NOPCHAP1: variants seen among roughly 807,000 people sequenced by gnomAD.
NOPCHAP1 encodes NOP protein chaperone 1.
NOPCHAP1 carries 13 observed loss-of-function variants against 14.0 expected under a neutral mutation model. The ratio of observed to expected loss-of-function variants is 0.93; its 90% CI spans 0.60 to 1.47. The LOEUF (loss-of-function observed/expected upper bound fraction) is 1.47. Ranked by LOEUF, NOPCHAP1 falls within the 40% of genes most tolerant of loss-of-function variation. The probability of loss-of-function intolerance (pLI) is 0.00; values close to 1 mark genes in which losing one functional copy is unlikely to be tolerated. For synonymous variants in NOPCHAP1, 78 were observed against 78.4 expected, an observed-to-expected ratio of 1.00 and a Z score of 0.03; for missense variants, 230 against 226.9, an observed-to-expected ratio of 1.01 and a Z score of -0.09.
chr12:105,009,002 T>C lies in NOPCHAP1; in HGVS notation c.*14306T>C, dbSNP rs1873761785. Reference sequence around the variant, plus strand: ...GTTTCATATGAAATTTAAAGTAGTTTTTTCTAATTCTGTGAAGAAAGTCAA... The same window carrying C: ...GTTTCATATGAAATTTAAAGTAGTTCTTTCTAATTCTGTGAAGAAAGTCAA... On this transcript the variant is annotated 3_prime_UTR_variant, in exon 4 of 4. Coordinates refer to ENST00000552951, the MANE Select transcript of NOPCHAP1 (RefSeq NM_152318.3). The C allele has an allele frequency of 6.6e-6, 1 of 152,230 alleles. No individual in the cohort carries two copies. Among genetic ancestry groups the C allele is most frequent in the Admixed American group, 6.5e-5 (1 of 15,286 alleles). 9.4% of individuals were successfully genotyped at this position (152,230 alleles called of 1,614,324 possible). A position where few individuals can be genotyped will look rare whatever the true frequency, so the allele number is the denominator to read the frequency against.
rs1873589070 is a variant in NOPCHAP1, at chr12:105,000,566, G to C, written c.*5870G>C. ...AAGGGACATAGTTATCATGATGACA[G>C]AGAAGAGAACTCTTGATCCATGATC... On this transcript the variant is annotated 3_prime_UTR_variant, in exon 4 of 4. Coordinates refer to ENST00000552951, the MANE Select transcript of NOPCHAP1 (RefSeq NM_152318.3). 6.6e-6 allele frequency: 1 copy of C among 152,166 alleles called. No individual in the cohort carries two copies. The highest frequency in any genetic ancestry group is 1.5e-5 in the Non-Finnish European group (1 of 68,022). The allele number at this position is 152,166 out of a possible 1,614,324, so 9.4% of individuals were successfully genotyped here.
At chr12:104,993,332 A>T (rs1459027087) in intron 3 of NOPCHAP1, among the ~76,000 whole-genome samples, 1 of 152,176 alleles carries the variant, frequency 6.6e-6, no homozygotes, top group Non-Finnish European at 1.5e-5. Context: ...GACAATACAT[A>T]CATGAATAAG....
rs570177276 is a variant in NOPCHAP1 at position 105,005,602 on chromosome 12, A to G, written c.*10906A>G. 2.0e-5 allele frequency: 3 copies of G among 152,308 alleles called. No individual in the cohort carries two copies. The highest frequency in any genetic ancestry group is 4.8e-5 in the African/African-American group (2 of 41,566). The allele number at this position is 152,308 out of a possible 1,614,324, so 9.4% of individuals were successfully genotyped here. ...CAGGAGGGGACCAGAAGTACTTGCC[A>G]TTTTTCATCTGTGACACAGAAGCAG... On this transcript the variant is annotated 3_prime_UTR_variant, in exon 4 of 4. Transcript: ENST00000552951.
rs954884171 is a variant in NOPCHAP1, at chr12:105,012,904, G to T, written c.*18208G>T. The T allele has an allele frequency of 6.6e-6, 1 of 152,346 alleles. No homozygotes were observed. Among genetic ancestry groups the T allele is most frequent in the Non-Finnish European group, 1.5e-5 (1 of 68,170 alleles). 9.4% of individuals were successfully genotyped at this position (152,346 alleles called of 1,614,324 possible). On this transcript the variant is annotated 3_prime_UTR_variant, in exon 4 of 4. Transcript: ENST00000552951. ...GCTAGATGCCAGCTGGAGATCTCCT[G>T]TGTGAGGTTTCTGTCAACCTCTGCT...
At chr12:104,990,734 T>G (rs1040899195) in intron 2 of NOPCHAP1, among the ~76,000 whole-genome samples, 1 of 152,230 alleles carries the variant, frequency 6.6e-6, no homozygotes. Flanking sequence ...TTATCACTCC[T>G]CTTTTATGGA....
Position 105,008,212 on chromosome 12 carries a change from GT to G in NOPCHAP1, c.*13520del, listed in dbSNP as rs1264657758. On this transcript the variant is annotated 3_prime_UTR_variant, in exon 4 of 4. Coordinates refer to ENST00000552951, the MANE Select transcript of NOPCHAP1 (RefSeq NM_152318.3). ...CCATTCTAACTGGTAACTCATTGTG[GT>G]TTTGATTTGCATTTCTCTAATAACC... 2 of 152,028 alleles carry G rather than the reference GT, an allele frequency of 1.3e-5. No homozygotes were observed. Among genetic ancestry groups the G allele is most frequent in the East Asian group, 3.9e-4 (2 of 5,190 alleles). 9.4% of individuals were successfully genotyped at this position (152,028 alleles called of 1,614,324 possible).
intron 1 of NOPCHAP1, 96 bp downstream of exon 1, chr12:104,986,563 G>A: frequency 9.5e-7 from 1 of 1,050,330 alleles, no homozygotes; most frequent in Non-Finnish European, 1.3e-6. Flanking sequence ...CCCTGCCCGG[G>A]CTCCGTACCC....
intron 2 of NOPCHAP1, among the ~76,000 whole-genome samples, chr12:104,991,482 A>C (rs1873372645): frequency 6.6e-6 from 1 of 152,210 alleles, no homozygotes; most frequent in South Asian, 2.1e-4. Context: ...CTAGGAGTTT[A>C]CAGTCCTGGG....
In NOPCHAP1 at chr12:105,013,142, T is replaced by A. The variant is rs1873868892; in HGVS notation, c.*18446T>A. 1.3e-5 allele frequency: 2 copies of A among 152,332 alleles called. No individual in the cohort carries two copies. The highest frequency in any genetic ancestry group is 4.1e-4 in the South Asian group (2 of 4,832). The allele number at this position is 152,332 out of a possible 1,614,324, so 9.4% of individuals were successfully genotyped here. On this transcript the variant is annotated 3_prime_UTR_variant, in exon 4 of 4. Transcript: ENST00000552951. ...GATAGGACTTTTATCTATAATCCCC[T>A]TGACTGGGACTGCTGCCTTTCTTTC...
intron 1 of NOPCHAP1, among the ~76,000 whole-genome samples, chr12:104,987,333 A>G (rs921805200): frequency 2.0e-5 from 3 of 152,232 alleles, no homozygotes; most frequent in Non-Finnish European, 4.4e-5. Context: ...AACCTGAGAC[A>G]TGATTTATCA....
At position 105,000,712 on chromosome 12, in the gene NOPCHAP1, G is replaced by A. The variant is rs1873591849; in HGVS notation, c.*6016G>A. On this transcript the variant is annotated 3_prime_UTR_variant, in exon 4 of 4. Coordinates refer to ENST00000552951, the MANE Select transcript of NOPCHAP1 (RefSeq NM_152318.3). ...GGTTTGAGGGCAGTGTTTCACTGAT[G>A]TTGTTTTCAGAAGACCCAATCTCCA... The A allele has an allele frequency of 6.6e-6, 1 of 152,018 alleles. No homozygotes were observed. The allele number at this position is 152,018 out of a possible 1,614,324, so 9.4% of individuals were successfully genotyped here.
rs754208903 is a variant in NOPCHAP1 at position 105,012,662 on chromosome 12, G to T, written c.*17966G>T. 3.9e-5 allele frequency: 6 copies of T among 152,178 alleles called. No homozygotes were observed. Among genetic ancestry groups the T allele is most frequent in the Non-Finnish European group, 7.3e-5 (5 of 68,042 alleles). 9.4% of individuals were successfully genotyped at this position (152,178 alleles called of 1,614,324 possible). On this transcript the variant is annotated 3_prime_UTR_variant, in exon 4 of 4. Transcript: ENST00000552951. Reference sequence around the variant, plus strand: ...GCTCTTTTATGTTGGTAACCTTTGGGTGGGGTTTCTGTGTGGACGTCCTTT... The same window carrying T: ...GCTCTTTTATGTTGGTAACCTTTGGTTGGGGTTTCTGTGTGGACGTCCTTT...
In NOPCHAP1 at chr12:105,002,418, G is replaced by C. The variant is rs566096248; in HGVS notation, c.*7722G>C. On this transcript the variant is annotated 3_prime_UTR_variant, in exon 4 of 4. Coordinates refer to ENST00000552951, the MANE Select transcript of NOPCHAP1 (RefSeq NM_152318.3). ...AATAGAGCAGTTAATCCTGTTTCAG[G>C]CACTGCCAGAAGTATCCCTTGGTGT... The C allele has an allele frequency of 1.3e-5, 2 of 152,266 alleles. No homozygotes were observed. The highest frequency in any genetic ancestry group is 2.1e-4 in the South Asian group (1 of 4,824). 9.4% of individuals were successfully genotyped at this position (152,266 alleles called of 1,614,324 possible).
At position 105,012,403 on chromosome 12, in the gene NOPCHAP1, T is replaced by C. The variant is rs1873848653; in HGVS notation, c.*17707T>C. The C allele has an allele frequency of 6.6e-6, 1 of 152,226 alleles. No individual in the cohort carries two copies. The highest frequency in any genetic ancestry group is 2.4e-5 in the African/African-American group (1 of 41,458). 9.4% of individuals were successfully genotyped at this position (152,226 alleles called of 1,614,324 possible). A position where few individuals can be genotyped will look rare whatever the true frequency, so the allele number is the denominator to read the frequency against. On this transcript the variant is annotated 3_prime_UTR_variant, in exon 4 of 4. Transcript: ENST00000552951. ...CAATTTCTCTAATCTTTTTTCAAGG[T>C]TCTTAGCTTCCTTGCATTGGGTTAG... is the stretch of plus-strand genomic sequence containing the variant.
chr12:104,988,332 ATTGTCAGGTATCAAAC>A (rs892174378), intron 2 of NOPCHAP1, 79 bp downstream of exon 2: 401 of 1,119,508 alleles, frequency 3.6e-4, no homozygotes, highest in Non-Finnish European at 5.1e-4. Context: ...CTCTGCCTTC[ATTGTCAGGTATCAAAC>A]CACAGATAGT....
intron 3 of NOPCHAP1, among the ~76,000 whole-genome samples, chr12:104,993,627 T>C (rs1873429810): frequency 6.6e-6 from 1 of 152,226 alleles, no homozygotes. Context: ...AGTGCGTCAC[T>C]GTGTATGGGT....
At position 105,001,382 on chromosome 12, in the gene NOPCHAP1, A is replaced by G. The variant is rs1285205615; in HGVS notation, c.*6686A>G. ...ATGGTCCAGGAGGCAGTAGAAATGT[A>G]CCACCTAAAATTTGGATTATCTTTC... is the stretch of plus-strand genomic sequence containing the variant. On this transcript the variant is annotated 3_prime_UTR_variant, in exon 4 of 4. Transcript: ENST00000552951. 2.0e-5 allele frequency: 3 copies of G among 152,224 alleles called. No individual in the cohort carries two copies. Among genetic ancestry groups the G allele is most frequent in the African/African-American group, 7.2e-5 (3 of 41,466 alleles). The allele number at this position is 152,224 out of a possible 1,614,324, so 9.4% of individuals were successfully genotyped here.
Position 104,988,147 on chromosome 12 carries a change from T to G in NOPCHAP1, c.116-20T>G. ...TTATGCTGTAGTAAATTAAGGGTGTTTGTGTGTCTGTATTTTCAGGTATAT... is the reference window on the plus strand; with the variant it reads ...TTATGCTGTAGTAAATTAAGGGTGTGTGTGTGTCTGTATTTTCAGGTATAT... On this transcript the variant is annotated intron_variant, in intron 1 of 3. Coordinates refer to ENST00000552951, the MANE Select transcript of NOPCHAP1 (RefSeq NM_152318.3). 1 of 1,569,586 alleles carries G rather than the reference T, an allele frequency of 6.4e-7. No individual in the cohort carries two copies. Among genetic ancestry groups the G allele is most frequent in the Non-Finnish European group, 8.8e-7 (1 of 1,141,316 alleles).
intron 1 of NOPCHAP1, among the ~76,000 whole-genome samples, chr12:104,987,926 CATTT>C (rs1480084543): frequency 8.5e-5 from 13 of 152,236 alleles, no homozygotes; most frequent in African/African-American, 3.1e-4. Context: ...GATTGGTGTG[CATTT>C]ATTACCTGCC....
Sources: allele counts gnomAD v4.1 joint callset (sites outside exome capture counted in the v4.1 genomes callset), GRCh38; gene constraint gnomAD v4.1.1; transcripts MANE v1.5; gene names NCBI Gene and HGNC (gene_info 2026-07-23, HGNC 2026-07-21).